SHANK2: variants seen among roughly 807,000 people sequenced by gnomAD.
SHANK2 encodes the protein SH3 and multiple ankyrin repeat domains 2, also known as SH3 and multiple ankyrin repeat domains protein 2.
SHANK2 carries 43 observed loss-of-function variants against 133.7 expected under a neutral mutation model. The ratio of observed to expected loss-of-function variants is 0.32; its 90% CI spans 0.25 to 0.41. The LOEUF is 0.41. Ranked by LOEUF, SHANK2 falls within the 10% of genes least tolerant of loss-of-function variation. The probability of loss-of-function intolerance (pLI) is 1.00; values close to 1 mark genes in which losing one functional copy is unlikely to be tolerated. For synonymous variants in SHANK2, 1,017 were observed against 952.8 expected, an observed-to-expected ratio of 1.07 and a Z score of -1.24; for missense variants, 1,994 against 2,235.8, an observed-to-expected ratio of 0.89 and a Z score of 2.18.
chr11:70,821,822 T>C lies in SHANK2; in HGVS notation c.1175-1140A>G, dbSNP rs141804392. ...TGGCTGGATGATTCAATCTCAGTCC[T>C]CACTAAGAAGGTGCCTTCCTCCCTC... On this transcript the variant is annotated intron_variant, in intron 11 of 25. Coordinates refer to ENST00000601538, the MANE Select transcript of SHANK2 (RefSeq NM_012309.5). Among the ~76,000 whole-genome samples the C allele has an allele frequency of 9.7e-4, 148 of 152,288 alleles. 1 individual carries two copies. The South Asian group carries it at 0.014, about 14-fold the overall frequency.
At position 71,101,230 on chromosome 11, in the gene SHANK2, C is replaced by T. The variant is rs529832207; in HGVS notation, c.593-6542G>A. Reference sequence around the variant, plus strand: ...GCTCTGTCCCCGACCCCAAGACAGGCTCCTGTGGACCCTGGCCCCTGCCTC... The same window carrying T: ...GCTCTGTCCCCGACCCCAAGACAGGTTCCTGTGGACCCTGGCCCCTGCCTC... On this transcript the variant is annotated intron_variant, in intron 6 of 25. Coordinates refer to ENST00000601538, the MANE Select transcript of SHANK2 (RefSeq NM_012309.5). 5.3e-5 allele frequency among the ~76,000 whole-genome samples: 8 copies of T among 152,328 alleles called. No individual in the cohort carries two copies. The South Asian group carries it at 1.7e-3, about 32-fold the overall frequency.
rs567949872 is a variant in SHANK2, at chr11:70,768,065, G to A, written c.1777+30378C>T. 3.3e-5 allele frequency among the ~76,000 whole-genome samples: 5 copies of A among 152,122 alleles called. No individual in the cohort carries two copies. The East Asian group carries it at 7.7e-4, about 24-fold the overall frequency. ...AAGCTGGCCACTTTCTAGCTGGGGT[G>A]GGGGGGCTGAGGATGTTGCTGAATT... On this transcript the variant is annotated intron_variant, in intron 14 of 25. Transcript: ENST00000601538.
chr11:71,221,774 C>G (rs561510692), intron 2 of SHANK2, among the ~76,000 whole-genome samples: 1 of 152,074 alleles, frequency 6.6e-6, no homozygotes, highest in African/African-American at 2.4e-5. Context: ...GGGAGGTGAT[C>G]GGTAGACAAG....
intron 1 of SHANK2, among the ~76,000 whole-genome samples, chr11:71,226,294 A>G (rs1954642621): frequency 6.6e-6 from 1 of 152,238 alleles, no homozygotes; most frequent in African/African-American, 2.4e-5. Flanking sequence ...GACTGAAAAT[A>G]AATAAACAGA....
intron 3 of SHANK2, among the ~76,000 whole-genome samples, chr11:71,120,615 T>C (rs1376983557): frequency 6.6e-6 from 1 of 152,178 alleles, no homozygotes; most frequent in African/African-American, 2.4e-5. Flanking sequence ...TGAGCTCACG[T>C]GTGGCTCTCA....
intron 11 of SHANK2, among the ~76,000 whole-genome samples, chr11:70,867,611 C>T (rs1419120036): frequency 6.6e-6 from 1 of 152,198 alleles, no homozygotes; most frequent in Non-Finnish European, 1.5e-5. Flanking sequence ...CAGCCATGTT[C>T]CCTCTTGAGA....
chr11:70,890,060 C>T (rs373557992), intron 11 of SHANK2, among the ~76,000 whole-genome samples: 33 of 152,272 alleles, frequency 2.2e-4, no homozygotes, highest in African/African-American at 7.7e-4. Context: ...ATCCACCATC[C>T]TTCAAACATC....
rs1482299403 is a variant in SHANK2, at chr11:70,946,268, C to T, written c.1108-49701G>A. Among the ~76,000 whole-genome samples, 29 of 146,304 alleles carry T rather than the reference C, an allele frequency of 2.0e-4. 1 individual carries two copies. The highest frequency in any genetic ancestry group is 7.4e-4 in the African/African-American group (29 of 39,036). ...GCTAACCAACCCTTTCCAGGCTCAA[C>T]CTCCCTCTCCACTAAACAACGCTTC... On this transcript the variant is annotated intron_variant, in intron 10 of 25. Coordinates refer to ENST00000601538, the MANE Select transcript of SHANK2 (RefSeq NM_012309.5).
chr11:70,635,236 AAG>A, intron 17 of SHANK2: 1 of 152,314 alleles, frequency 6.6e-6, no homozygotes, highest in African/African-American at 2.4e-5. Context: ...CGGGGTCTTG[AAG>A]AGATATCTGC....
chr11:70,901,043 G>A (rs3020098), intron 10 of SHANK2, among the ~76,000 whole-genome samples: 40,642 of 151,986 alleles, frequency 0.27, 6,836 homozygotes, highest in African/African-American at 0.48. Flanking sequence ...CTCTGAGTGA[G>A]TTCCCAGGAG....
intron 11 of SHANK2, among the ~76,000 whole-genome samples, chr11:70,821,705 G>A (rs1555055977): frequency 2.0e-5 from 3 of 152,184 alleles, no homozygotes; most frequent in African/African-American, 7.2e-5. Context: ...TTACAGGCAT[G>A]AGCCACCGTG....
intron 14 of SHANK2, among the ~76,000 whole-genome samples, chr11:70,747,191 T>C (rs1389013694): frequency 6.6e-6 from 1 of 151,390 alleles, no homozygotes; most frequent in Non-Finnish European, 1.5e-5. Context: ...CTGGGTGGGG[T>C]ACACCACCCT....
At chr11:70,737,140 A>G (rs1006352376) in intron 14 of SHANK2, among the ~76,000 whole-genome samples, 1 of 152,084 alleles carries the variant, frequency 6.6e-6, no homozygotes, top group Non-Finnish European at 1.5e-5. Context: ...AGCCCTGCCC[A>G]GCCACCCTGG....
At chr11:70,904,512 T>G (rs1406806071) in intron 10 of SHANK2, among the ~76,000 whole-genome samples, 2 of 24,426 alleles carry the variant, frequency 8.2e-5, no homozygotes, top group Admixed American at 1.9e-3. Flanking sequence ...TCTGATGGGT[T>G]TTTTTTTTTT....
chr11:70,578,937 G>A (rs1254597189), intron 17 of SHANK2, among the ~76,000 whole-genome samples: 1 of 152,080 alleles, frequency 6.6e-6, no homozygotes, highest in Non-Finnish European at 1.5e-5. Flanking sequence ...CCCTTACAGC[G>A]CATTCCCACA....
intron 13 of SHANK2, among the ~76,000 whole-genome samples, chr11:70,800,739 C>T (rs1450160191): frequency 6.6e-6 from 1 of 152,212 alleles, no homozygotes; most frequent in Non-Finnish European, 1.5e-5. Flanking sequence ...GCCCAGCTGG[C>T]CGGGATGTGC....
intron 10 of SHANK2, chr11:70,952,902 G>A: frequency 3.9e-6 from 1 of 255,096 alleles, no homozygotes; most frequent in Admixed American, 4.5e-5. Context: ...TGTCCAAAAT[G>A]GCATCACTAA....
chr11:70,573,124 C>G (rs985359034), intron 17 of SHANK2, among the ~76,000 whole-genome samples: 32 of 152,120 alleles, frequency 2.1e-4, no homozygotes, highest in Non-Finnish European at 5.9e-5. Flanking sequence ...CTGAGAGGAA[C>G]CAACCCAAAA....
Position 71,087,749 on chromosome 11 carries a change from C to T in SHANK2, c.912+4673G>A, listed in dbSNP as rs927280169. ...GTTCAAGCGATTTGCACGCCTCAGC[C>T]GCTCAAGTAGCTGGAATTACAGGCG... On this transcript the variant is annotated intron_variant, in intron 8 of 25. Transcript: ENST00000601538. Among the ~76,000 whole-genome samples the T allele has an allele frequency of 3.1e-3, 469 of 152,206 alleles. 1 individual carries two copies. Among genetic ancestry groups the T allele is most frequent in the African/African-American group, 0.011 (450 of 41,520 alleles).
Sources: gnomAD v4.1 joint callset for allele counts (sites outside exome capture counted in the v4.1 genomes callset) on GRCh38, gnomAD v4.1.1 for gene constraint, MANE v1.5 for transcripts, NCBI Gene and HGNC (gene_info 2026-07-23, HGNC 2026-07-21) for gene names.